ARHGAP15: variants seen among roughly 807,000 people sequenced by gnomAD.
The protein encoded by ARHGAP15 is rho GTPase-activating protein 15.
Under a neutral mutation model 63.7 loss-of-function variants are expected in ARHGAP15, and 51 were observed. That is an observed-to-expected ratio of 0.80 (90% CI 0.64 to 1.01). ARHGAP15 has a LOEUF of 1.01. Ranked by LOEUF, ARHGAP15 falls within the 50% of genes least tolerant of loss-of-function variation. The pLI is 0.00. For missense variants in ARHGAP15, 560 were observed against 564.6 expected (o/e 0.99, Z 0.08); for synonymous variants, 191 against 193.8 (o/e 0.99, Z 0.12).
rs537822524 is a variant in ARHGAP15 at position 143,138,433 on chromosome 2, A to T, written c.-15+8967A>T. 6.6e-5 allele frequency among the ~76,000 whole-genome samples: 10 copies of T among 152,234 alleles called. No individual in the cohort carries two copies. The East Asian group carries it at 1.9e-3, about 29-fold the overall frequency. ...TAGCAGTTAAGCAATGCTGAACTTT[A>T]TTCATGAGGCCCTAGAGTCTAAAAG... On this transcript the variant is annotated intron_variant, in intron 1 of 13. Coordinates refer to ENST00000295095, the MANE Select transcript of ARHGAP15 (RefSeq NM_018460.4).
chr2:143,250,433 C>A, intron 5 of ARHGAP15, 78 bp from the exon 6 acceptor site: 1 of 1,113,072 alleles, frequency 9.0e-7, no homozygotes, highest in Admixed American at 1.9e-5. Context: ...TAGCTGCTAA[C>A]TCAATAAACT....
chr2:143,193,206 G>A (rs150923002), intron 2 of ARHGAP15, among the ~76,000 whole-genome samples: 3 of 152,196 alleles, frequency 2.0e-5, no homozygotes, highest in African/African-American at 7.2e-5. Context: ...TATTATGCAG[G>A]CTGCCCATCT....
chr2:143,227,871 A>G (rs1192256604), intron 4 of ARHGAP15, among the ~76,000 whole-genome samples: 1 of 152,094 alleles, frequency 6.6e-6, no homozygotes, highest in Middle Eastern at 3.4e-3. Context: ...GGACATTTTT[A>G]GCCAAAAGAT....
intron 10 of ARHGAP15, among the ~76,000 whole-genome samples, chr2:143,540,663 T>C (rs1695006099): frequency 6.6e-6 from 1 of 152,244 alleles, no homozygotes; most frequent in African/African-American, 2.4e-5. Flanking sequence ...TATGAAATTC[T>C]GGGTTGAAAA....
At chr2:143,715,996 T>C (rs1350941363) in intron 13 of ARHGAP15, among the ~76,000 whole-genome samples, 1 of 152,076 alleles carries the variant, frequency 6.6e-6, no homozygotes, top group Admixed American at 6.6e-5. Flanking sequence ...TTGGGGCCTG[T>C]TGGAAGGTTG....
At chr2:143,543,610 C>T (rs1462266184) in intron 10 of ARHGAP15, among the ~76,000 whole-genome samples, 1 of 151,626 alleles carries the variant, frequency 6.6e-6, no homozygotes, top group African/African-American at 2.4e-5. Context: ...TATTTTCTTT[C>T]CATGACAATA....
At chr2:143,464,978 CT>C (rs1296529887) in intron 8 of ARHGAP15, among the ~76,000 whole-genome samples, 1 of 152,132 alleles carries the variant, frequency 6.6e-6, no homozygotes, top group Admixed American at 6.6e-5. Flanking sequence ...AAACACCCTT[CT>C]TTTAAAATAG....
At chr2:143,496,855 G>A (rs1692838214) in intron 9 of ARHGAP15, among the ~76,000 whole-genome samples, 1 of 152,150 alleles carries the variant, frequency 6.6e-6, no homozygotes, top group Non-Finnish European at 1.5e-5. Flanking sequence ...TTTGTTTTTA[G>A]CCAATGACCC....
chr2:143,529,390 A>G (rs1281873470), intron 10 of ARHGAP15, among the ~76,000 whole-genome samples: 1 of 152,054 alleles, frequency 6.6e-6, no homozygotes, highest in Non-Finnish European at 1.5e-5. Flanking sequence ...TAAATCTCCT[A>G]AGGAGGTCTT....
chr2:143,329,065 C>T (rs1186935789), intron 6 of ARHGAP15, among the ~76,000 whole-genome samples: 1 of 152,228 alleles, frequency 6.6e-6, no homozygotes, highest in Non-Finnish European at 1.5e-5. Context: ...CTCAATGATA[C>T]AACCTTGCCC....
chr2:143,391,296 A>G (rs1687528884), intron 6 of ARHGAP15, among the ~76,000 whole-genome samples: 1 of 152,208 alleles, frequency 6.6e-6, no homozygotes. Context: ...AGATTTCCTC[A>G]CAGATTACAG....
At chr2:143,558,088 A>G (rs1378232183) in intron 11 of ARHGAP15, among the ~76,000 whole-genome samples, 1 of 152,106 alleles carries the variant, frequency 6.6e-6, no homozygotes, top group African/African-American at 2.4e-5. Context: ...AAAACAGTCA[A>G]AAGTGTCTTC....
intron 2 of ARHGAP15, among the ~76,000 whole-genome samples, chr2:143,172,728 G>C (rs942499198): frequency 6.6e-6 from 1 of 152,076 alleles, no homozygotes; most frequent in African/African-American, 2.4e-5. Flanking sequence ...CTGGTGAGGT[G>C]AGATGTCAAG....
chr2:143,569,171 CAAAAA>C (rs34628456), intron 11 of ARHGAP15, among the ~76,000 whole-genome samples: 1 of 150,304 alleles, frequency 6.7e-6, no homozygotes, highest in Admixed American at 6.6e-5. Flanking sequence ...ATAATTTAAA[CAAAAA>C]AAAAGCCTAA....
At chr2:143,519,039 A>C (rs1693943711) in intron 9 of ARHGAP15, 2 of 375,718 alleles carry the variant, frequency 5.3e-6, no homozygotes, top group Middle Eastern at 8.1e-4. Context: ...ATCCCTGCCT[A>C]ATCGATGCCT....
chr2:143,473,077 T>C (rs1691656090), intron 8 of ARHGAP15, among the ~76,000 whole-genome samples: 1 of 152,206 alleles, frequency 6.6e-6, no homozygotes, highest in Non-Finnish European at 1.5e-5. Context: ...TCACCCCACC[T>C]TCAGCCTCAC....
intron 9 of ARHGAP15, among the ~76,000 whole-genome samples, chr2:143,509,608 A>G (rs1264136416): frequency 6.6e-6 from 1 of 152,190 alleles, no homozygotes; most frequent in Non-Finnish European, 1.5e-5. Flanking sequence ...AACAGAAGTC[A>G]CCCAGTTCTC....
At chr2:143,748,340 C>T (rs1686244644) in intron 13 of ARHGAP15, among the ~76,000 whole-genome samples, 1 of 152,182 alleles carries the variant, frequency 6.6e-6, no homozygotes, top group Admixed American at 6.6e-5. Context: ...ACCTGGCCCA[C>T]CTATGTCTTT....
chr2:143,452,033 A>G (rs555797268), intron 8 of ARHGAP15, among the ~76,000 whole-genome samples: 134 of 152,100 alleles, frequency 8.8e-4, no homozygotes, highest in African/African-American at 3.1e-3. Flanking sequence ...AACAATTACA[A>G]CTTTCCTCCT....
Sources: gnomAD v4.1 joint callset for allele counts (sites outside exome capture counted in the v4.1 genomes callset) on GRCh38, gnomAD v4.1.1 for gene constraint, MANE v1.5 for transcripts, NCBI Gene and HGNC (gene_info 2026-07-23, HGNC 2026-07-21) for gene names.